Variants in SNAP29 observed in about 807,000 individuals in gnomAD.
The protein encoded by SNAP29 is synaptosomal-associated protein 29.
SNAP29 carries 13 observed loss-of-function variants against 27.9 expected under a neutral mutation model. That is an observed-to-expected ratio of 0.47 (90% confidence interval 0.30 to 0.74). SNAP29 has a LOEUF of 0.74. SNAP29 is among the 30% of genes least tolerant of loss of function. The pLI is 0.06. For missense variants in SNAP29, 368 were observed against 336.5 expected (o/e 1.09, Z -0.73); for synonymous variants, 119 against 127.1 (o/e 0.94, Z 0.43).
chr22:20,861,791 T>C (rs1928328436), intron 1 of SNAP29, among the ~76,000 whole-genome samples: 1 of 152,164 alleles, frequency 6.6e-6, no homozygotes, highest in Non-Finnish European at 1.5e-5. Context: ...CCCGCCGCCA[T>C]GCCCAGCTAA....
At chr22:20,886,102 G>A (rs2147873662) in intron 4 of SNAP29, among the ~76,000 whole-genome samples, 1 of 139,504 alleles carries the variant, frequency 7.2e-6, no homozygotes, top group African/African-American at 2.8e-5. Flanking sequence ...GCAAAGAGCT[G>A]AAGACTTATC....
intron 2 of SNAP29, 160 bp downstream of exon 2, chr22:20,870,693 C>G: frequency 1.4e-6 from 1 of 713,236 alleles, no homozygotes; most frequent in Non-Finnish European, 2.5e-6. Flanking sequence ...AAACCAGGAA[C>G]TGTTCTTCCC....
At chr22:20,867,568 A>G (rs1928491297) in intron 1 of SNAP29, among the ~76,000 whole-genome samples, 1 of 151,244 alleles carries the variant, frequency 6.6e-6, no homozygotes, top group African/African-American at 2.4e-5. Flanking sequence ...AGAAGAAACA[A>G]CTCCTCCCTT....
At position 20,883,576 on chromosome 22, in the gene SNAP29, C is replaced by T. The variant is rs762571598; in HGVS notation, c.619+7C>T. On this transcript the variant is annotated splice_region_variant and intron_variant, in intron 4 of 4. Transcript: ENST00000215730. ...AAGATCGACAGCAACCTAGGTAAGA[C>T]TGAGCACCACACCAGCTTCTGTAAG... 1 of 1,573,616 alleles carries T rather than the reference C, an allele frequency of 6.4e-7. No individual in the cohort carries two copies. The highest frequency in any genetic ancestry group is 8.7e-7 in the Non-Finnish European group (1 of 1,143,334).
At chr22:20,884,320 G>A (rs1231605040) in intron 4 of SNAP29, among the ~76,000 whole-genome samples, 12 of 148,616 alleles carry the variant, frequency 8.1e-5, no homozygotes, top group African/African-American at 2.7e-4. Context: ...CAACAAGAGC[G>A]AAACTCCACC....
chr22:20,873,166 C>A (rs1470408630), intron 2 of SNAP29, among the ~76,000 whole-genome samples: 2 of 151,772 alleles, frequency 1.3e-5, no homozygotes, highest in Non-Finnish European at 2.9e-5. Context: ...TGGAGCTTTT[C>A]TTTTTCATTT....
chr22:20,861,035 A>G (rs544211293), intron 1 of SNAP29, among the ~76,000 whole-genome samples: 1 of 149,900 alleles, frequency 6.7e-6, no homozygotes, highest in Admixed American at 6.6e-5. Context: ...ACACGCTATC[A>G]TTTCCCCTTG....
intron 3 of SNAP29, among the ~76,000 whole-genome samples, chr22:20,882,456 A>G (rs1928911999): frequency 1.3e-5 from 2 of 152,140 alleles, no homozygotes; most frequent in Non-Finnish European, 2.9e-5. Flanking sequence ...GCTAGAAACC[A>G]AAGGCTTACT....
Position 20,866,193 on chromosome 22 carries a change from G to T in SNAP29, c.238-4144G>T, listed in dbSNP as rs375504289. ...CCAGGTTGGCCTGCACACAGACGGC[G>T]AGGGGCACCAGCACTACCGCCTTTG... is the stretch of plus-strand genomic sequence containing the variant. On this transcript the variant is annotated intron_variant, in intron 1 of 4. Coordinates refer to ENST00000215730, the MANE Select transcript of SNAP29 (RefSeq NM_004782.4). Among the ~76,000 whole-genome samples the T allele has an allele frequency of 3.9e-5, 6 of 152,310 alleles. No homozygotes were observed. In the South Asian group the frequency reaches 1.2e-3, roughly 32 times the overall value.
At chr22:20,878,577 C>CA (rs914052341) in intron 2 of SNAP29, among the ~76,000 whole-genome samples, 21 of 142,022 alleles carry the variant, frequency 1.5e-4, no homozygotes, top group East Asian at 8.2e-4. Context: ...GACTATGTCT[C>CA]AAAAAAAAAA....
intron 2 of SNAP29, among the ~76,000 whole-genome samples, chr22:20,876,637 G>T (rs1015249773): frequency 1.4e-5 from 2 of 146,672 alleles, no homozygotes; most frequent in Admixed American, 7.0e-5. Context: ...GCGTGATCTC[G>T]GCTCACTGCA....
chr22:20,883,648 C>A, intron 4 of SNAP29, 79 bp downstream of exon 4: 1 of 890,740 alleles, frequency 1.1e-6, no homozygotes, highest in Non-Finnish European at 1.9e-6. Flanking sequence ...CCTGCATGAG[C>A]ATCCTCCAGC....
At chr22:20,882,891 C>T (rs926473843) in intron 3 of SNAP29, among the ~76,000 whole-genome samples, 21 of 151,626 alleles carry the variant, frequency 1.4e-4, no homozygotes, top group African/African-American at 4.6e-4. Flanking sequence ...TTTCCGTGTG[C>T]GTTTAGAAAC....
In SNAP29 at chr22:20,870,416, A is replaced by C. The variant is rs766491592; in HGVS notation, c.317A>C (p.Gln106Pro). 1 of 1,614,214 alleles carries C rather than the reference A, an allele frequency of 6.2e-7. No individual in the cohort carries two copies. Among genetic ancestry groups the C allele is most frequent in the Non-Finnish European group, 8.5e-7 (1 of 1,180,034 alleles). ...DKMDQDLKIS[Q>P]KHINSIKSVF... ...ATGGACCAAGATTTGAAGATCAGCC[A>C]GAAACACATCAATAGCATTAAGAGC... Residue 106 changes from glutamine to proline, a missense_variant, in exon 2 of 5, where the codon CAG becomes CCG. By Grantham distance (76) the Gln-to-Pro change is moderately conservative (BLOSUM62 -1). Transcript: ENST00000215730.
At chr22:20,866,440 G>A (rs771668184) in intron 1 of SNAP29, among the ~76,000 whole-genome samples, 14 of 152,166 alleles carry the variant, frequency 9.2e-5, no homozygotes, top group Admixed American at 4.6e-4. Flanking sequence ...ATTGGCCTCC[G>A]TCTACTTATG....
intron 1 of SNAP29, among the ~76,000 whole-genome samples, chr22:20,866,251 G>A (rs369113407): frequency 3.0e-4 from 46 of 152,280 alleles, no homozygotes; most frequent in African/African-American, 1.1e-3. Flanking sequence ...CCTAAGACCC[G>A]ATTTGTCTCT....
chr22:20,878,787 C>T (rs1928812252), intron 2 of SNAP29, among the ~76,000 whole-genome samples: 1 of 152,074 alleles, frequency 6.6e-6, no homozygotes, highest in African/African-American at 2.4e-5. Context: ...TGGGGAGGCA[C>T]AGCTCCCAGC....
At chr22:20,873,900 G>A (rs1042500052) in intron 2 of SNAP29, among the ~76,000 whole-genome samples, 5 of 138,736 alleles carry the variant, frequency 3.6e-5, no homozygotes, top group Middle Eastern at 4.1e-3. Context: ...CTGGGAGGCA[G>A]AGGTTGTAGT....
rs1393341010 is a variant in SNAP29 at position 20,888,158 on chromosome 22, ATGG to A, written c.*323_*325del. The A allele has an allele frequency of 2.2e-5, 8 of 367,282 alleles. No individual in the cohort carries two copies. The highest frequency in any genetic ancestry group is 3.9e-5 in the Admixed American group (1 of 25,348). The allele number at this position is 367,282 out of a possible 1,614,324, so 22.8% of individuals were successfully genotyped here. The stretch of plus-strand genomic sequence containing the variant: ...TTGCATTTCTCATTTTAATGAGCAT[ATGG>A]AAAGATGGGAACAGAATTTCAGTCT... On this transcript the variant is annotated 3_prime_UTR_variant, in exon 5 of 5. Coordinates refer to ENST00000215730, the MANE Select transcript of SNAP29 (RefSeq NM_004782.4).
Sources: allele counts gnomAD v4.1 joint callset (sites outside exome capture counted in the v4.1 genomes callset), GRCh38; gene constraint gnomAD v4.1.1; transcripts MANE v1.5; gene names NCBI Gene and HGNC (gene_info 2026-07-23, HGNC 2026-07-21).